The following IKZF3 variants were observed in gnomAD, a reference collection of about 807,000 sequenced individuals.
IKZF3 encodes the protein zinc finger protein Aiolos.
Under a neutral mutation model 49.0 loss-of-function variants are expected in IKZF3, and 10 were observed. The ratio of observed to expected loss-of-function variants is 0.20; its 90% confidence interval spans 0.13 to 0.35. The LOEUF is 0.35. IKZF3 is among the 10% of genes least tolerant of loss of function. IKZF3 has a pLI of 1.00. For missense variants in IKZF3, 498 were observed against 664.8 expected, an observed-to-expected ratio of 0.75 and a Z score of 2.76; for synonymous variants, 209 against 228.2, an observed-to-expected ratio of 0.92 and a Z score of 0.76.
chr17:39,774,760 T>C (rs769364139), intron 7 of IKZF3, among the ~76,000 whole-genome samples: 3 of 152,152 alleles, frequency 2.0e-5, no homozygotes, highest in African/African-American at 4.8e-5. Flanking sequence ...AGTGAACAAG[T>C]AGTACTGCCC....
intron 3 of IKZF3, among the ~76,000 whole-genome samples, chr17:39,801,577 C>G (rs1297694426): frequency 1.3e-5 from 2 of 152,124 alleles, no homozygotes; most frequent in Non-Finnish European, 2.9e-5. Context: ...GAACAGTTTT[C>G]CTTATAAAAT....
chr17:39,824,763 T>C (rs1276036237), intron 3 of IKZF3, among the ~76,000 whole-genome samples: 2 of 151,976 alleles, frequency 1.3e-5, no homozygotes, highest in South Asian at 2.1e-4. Context: ...TGGCGTGATC[T>C]TGGCTCACTG....
At chr17:39,852,092 C>A (rs1230464318) in intron 1 of IKZF3, among the ~76,000 whole-genome samples, 1 of 152,160 alleles carries the variant, frequency 6.6e-6, no homozygotes, top group African/African-American at 2.4e-5. Flanking sequence ...AACTTCCCTG[C>A]AAATTGGGAT....
chr17:39,811,994 T>C (rs1259249079), intron 3 of IKZF3, among the ~76,000 whole-genome samples: 2 of 152,226 alleles, frequency 1.3e-5, no homozygotes, highest in African/African-American at 4.8e-5. Flanking sequence ...AAAGTTCTTA[T>C]GGGAATGGAT....
chr17:39,835,310 C>A, intron 1 of IKZF3: 3 of 542,322 alleles, frequency 5.5e-6, no homozygotes, highest in Admixed American at 4.0e-5. Context: ...GCAGCTGACG[C>A]GCCACGTCCT....
intron 6 of IKZF3, among the ~76,000 whole-genome samples, chr17:39,786,865 C>T (rs752790139): frequency 2.2e-4 from 33 of 152,260 alleles, no homozygotes; most frequent in Non-Finnish European, 3.8e-4. Context: ...CTTGATAAAA[C>T]CAAAGATGCC....
chr17:39,818,210 C>G (rs1329245047), intron 3 of IKZF3, among the ~76,000 whole-genome samples: 1 of 152,130 alleles, frequency 6.6e-6, no homozygotes, highest in African/African-American at 2.4e-5. Context: ...ACTTATGAGA[C>G]CACCACTGTT....
chr17:39,788,143 T>C (rs2060917796), intron 6 of IKZF3, 115 bp downstream of exon 6: 1 of 650,854 alleles, frequency 1.5e-6, no homozygotes, highest in African/African-American at 1.8e-5. Flanking sequence ...ATTTACTTTC[T>C]TTATAATCTG....
intron 6 of IKZF3, among the ~76,000 whole-genome samples, chr17:39,783,699 G>A (rs2060801943): frequency 6.6e-6 from 1 of 152,200 alleles, no homozygotes; most frequent in African/African-American, 2.4e-5. Flanking sequence ...GGGAGGCCAA[G>A]GTGGGCAGAT....
intron 1 of IKZF3, among the ~76,000 whole-genome samples, chr17:39,839,743 T>C (rs2062410220): frequency 6.6e-6 from 1 of 152,000 alleles, no homozygotes; most frequent in African/African-American, 2.4e-5. Context: ...ACTGCAACCT[T>C]GACCTCCCTG....
intron 3 of IKZF3, among the ~76,000 whole-genome samples, chr17:39,800,031 T>A (rs766443102): frequency 1.5e-4 from 23 of 152,240 alleles, no homozygotes; most frequent in Non-Finnish European, 2.8e-4. Context: ...CTGATTTCAG[T>A]TGTCAGTGAC....
At chr17:39,775,554 G>A (rs2060558151) in intron 7 of IKZF3, among the ~76,000 whole-genome samples, 2 of 152,144 alleles carry the variant, frequency 1.3e-5, no homozygotes, top group South Asian at 2.1e-4. Flanking sequence ...ATAGGTTTAG[G>A]GCAACCGAAA....
chr17:39,786,306 C>G (rs187278202), intron 6 of IKZF3, among the ~76,000 whole-genome samples: 1 of 152,102 alleles, frequency 6.6e-6, no homozygotes, highest in Non-Finnish European at 1.5e-5. Flanking sequence ...GAATTTTGGG[C>G]GAGTCTCAGT....
At chr17:39,805,142 T>C (rs1372595370) in intron 3 of IKZF3, among the ~76,000 whole-genome samples, 1 of 152,176 alleles carries the variant, frequency 6.6e-6, no homozygotes, top group Non-Finnish European at 1.5e-5. Context: ...TCAACGTCTG[T>C]ATATTATGCT....
chr17:39,853,024 C>A (rs2062926039), intron 1 of IKZF3, among the ~76,000 whole-genome samples: 1 of 152,162 alleles, frequency 6.6e-6, no homozygotes, highest in African/African-American at 2.4e-5. Context: ...AGCCACATTC[C>A]TATCACTAGC....
At chr17:39,821,488 A>G (rs908354785) in intron 3 of IKZF3, among the ~76,000 whole-genome samples, 7 of 152,204 alleles carry the variant, frequency 4.6e-5, no homozygotes, top group Admixed American at 2.6e-4. Flanking sequence ...GGTAAAAGTT[A>G]CCAGTGAAAT....
intron 1 of IKZF3, among the ~76,000 whole-genome samples, chr17:39,857,450 G>A (rs2063093675): frequency 1.3e-5 from 2 of 152,106 alleles, no homozygotes; most frequent in African/African-American, 4.8e-5. Flanking sequence ...CTATTGTGAA[G>A]AAAAGGTTTA....
intron 7 of IKZF3, among the ~76,000 whole-genome samples, chr17:39,774,931 G>A (rs538078120): frequency 1.3e-5 from 2 of 152,148 alleles, no homozygotes; most frequent in African/African-American, 2.4e-5. Context: ...CTGAAGTTAC[G>A]CACATGGGCT....
In IKZF3 at chr17:39,811,253, A is replaced by AAAGAAAGAAAGG. The variant is rs1555633968; in HGVS notation, c.163+18133_163+18134insCCTTTCTTTCTT. On this transcript the variant is annotated intron_variant, in intron 3 of 7. Transcript: ENST00000346872. ...CCCTGTCTGAAAGAAAGAAAGAAAGAGAGGGAGAGAAAGAAAAAGAGGGAG... is the reference window on the plus strand; with the variant it reads ...CCCTGTCTGAAAGAAAGAAAGAAAGAAAGAAAGAAAGGGAGGGAGAGAAAGAAAAAGAGGGAG... 2.8e-5 allele frequency among the ~76,000 whole-genome samples: 4 copies of AAAGAAAGAAAGG among 143,040 alleles called. No individual in the cohort carries two copies. In the South Asian group the frequency reaches 9.1e-4, roughly 33 times the overall value. The allele number at this position is 143,040 out of a possible 152,430, so 93.8% of individuals were successfully genotyped here. A position where few individuals can be genotyped will look rare whatever the true frequency, so the allele number is the denominator to read the frequency against.
Sources: gnomAD v4.1 joint callset for allele counts (sites outside exome capture counted in the v4.1 genomes callset) on GRCh38, gnomAD v4.1.1 for gene constraint, MANE v1.5 for transcripts, NCBI Gene and HGNC (gene_info 2026-07-23, HGNC 2026-07-21) for gene names.